The following FOSB variants were observed in gnomAD, a reference collection of about 807,000 sequenced individuals.
FOSB encodes the protein FosB proto-oncogene, AP-1 transcription factor subunit, also known as protein FosB.
Under a neutral mutation model 31.1 loss-of-function variants are expected in FOSB, and 8 were observed. The ratio of observed to expected loss-of-function variants is 0.26; its 90% CI spans 0.15 to 0.46. The LOEUF is 0.46. Among genes scored for constraint, FOSB ranks in the 20% least tolerant of loss-of-function variants. FOSB has a pLI of 0.99. For missense variants in FOSB, 376 were observed against 460.6 expected, an observed-to-expected ratio of 0.82 and a Z score of 1.68; for synonymous variants, 214 against 206.1, an observed-to-expected ratio of 1.04 and a Z score of -0.33.
Position 45,470,834 on chromosome 19 carries a change from G to T in FOSB, c.332G>T (p.Gly111Val). 1 of 1,614,078 alleles carries T rather than the reference G, an allele frequency of 6.2e-7. No homozygotes were observed. The highest frequency in any genetic ancestry group is 8.5e-7 in the Non-Finnish European group (1 of 1,180,030). ...GTSYSTPGMSGYSSGGASGSG... is the reference protein window; with the variant it reads ...GTSYSTPGMSVYSSGGASGSG... Reference sequence around the variant, plus strand: ...AGCTACTCCACACCAGGCATGAGTGGCTACAGCAGTGGCGGAGCGAGTGGC... The same window carrying T: ...AGCTACTCCACACCAGGCATGAGTGTCTACAGCAGTGGCGGAGCGAGTGGC... The change falls in exon 2 of 4, where the codon GGC becomes GTC. Residue 111 changes from glycine (G) to valine (V), a missense_variant. By Grantham distance (109) the Gly-to-Val change is moderately radical. Transcript: ENST00000353609.
In FOSB at chr19:45,468,458, G is replaced by T; in HGVS notation, c.-129G>T. 5 of 962,828 alleles carry T rather than the reference G, an allele frequency of 5.2e-6. No individual in the cohort carries two copies. The highest frequency in any genetic ancestry group is 7.8e-6 in the Non-Finnish European group (5 of 641,452). 59.6% of individuals were successfully genotyped at this position (962,828 alleles called of 1,614,324 possible). On this transcript the variant is annotated 5_prime_UTR_variant, in exon 1 of 4. Transcript: ENST00000353609. This position sits in a 1 kb window ranked among gnomAD's most constrained non-coding sequence, Gnocchi z 4.8. ...GCTTCCCCGGACAGCGTACTTTGAG[G>T]ACTCGCTCAGCTCACCGGGGACTCC...
At position 45,474,520 on chromosome 19, in the gene FOSB, G is replaced by C. The variant is rs1476518965; in HGVS notation, c.*1508G>C. On this transcript the variant is annotated 3_prime_UTR_variant, in exon 4 of 4. Transcript: ENST00000353609. ...CCCCTTGTCGCGCGTCTCCCATCCTGATCCCAGACCCATTCCTTAGCTATT... is the reference window on the plus strand; with the variant it reads ...CCCCTTGTCGCGCGTCTCCCATCCTCATCCCAGACCCATTCCTTAGCTATT... 1 of 152,490 alleles carries C rather than the reference G, an allele frequency of 6.6e-6. No individual in the cohort carries two copies. Among genetic ancestry groups the C allele is most frequent in the East Asian group, 1.9e-4 (1 of 5,198 alleles). The allele number at this position is 152,490 out of a possible 1,614,324, so 9.4% of individuals were successfully genotyped here. A position where few individuals can be genotyped will look rare whatever the true frequency, so the allele number is the denominator to read the frequency against.
At chr19:45,471,505 C>CCCCCA (rs1555795276) in intron 3 of FOSB, 1 of 434,206 alleles carries the variant, frequency 2.3e-6, no homozygotes, top group Admixed American at 3.3e-5. Flanking sequence ...GTCCCCCCCC[C>CCCCCA]ATTTCCTGAC....
At chr19:45,471,095 GT>G in intron 2 of FOSB, 98 bp from the exon 3 acceptor site, 2 of 1,379,532 alleles carry the variant, frequency 1.4e-6, no homozygotes, top group Non-Finnish European at 2.0e-6. Flanking sequence ...CCGGAGGCTT[GT>G]TTTTTGGCTC....
In FOSB at chr19:45,470,657, G is replaced by T; in HGVS notation, c.155G>T (p.Gly52Val). ...QECAGLGEMPGSFVPTVTAIT... is the reference protein window; with the variant it reads ...QECAGLGEMPVSFVPTVTAIT... ...TGCGCCGGTCTCGGGGAAATGCCCG[G>T]TTCCTTCGTGCCCACGGTCACCGCG... The change falls in exon 2 of 4, where the codon GGT becomes GTT. Residue 52 changes from glycine to valine, a missense_variant. This residue lies in a region of FOSB where 193 missense variants were observed against 207.1 expected (regional missense o/e 0.93). Transcript: ENST00000353609. The T allele has an allele frequency of 6.2e-7, 1 of 1,611,542 alleles. No homozygotes were observed.
Position 45,472,478 on chromosome 19 carries a change from G to A in FOSB, c.556-73G>A. 1 of 1,275,654 alleles carries A rather than the reference G, an allele frequency of 7.8e-7. No individual in the cohort carries two copies. The highest frequency in any genetic ancestry group is 1.1e-6 in the Non-Finnish European group (1 of 948,546). 79.0% of individuals were successfully genotyped at this position (1,275,654 alleles called of 1,614,324 possible). A position where few individuals can be genotyped will look rare whatever the true frequency, so the allele number is the denominator to read the frequency against. ...AGCAAGTCCAAGGGAGCCATGACCC[G>A]AGTTTCCCGGTCACTGACATGCTTT... On this transcript the variant is annotated intron_variant, in intron 3 of 3. Coordinates refer to ENST00000353609, the MANE Select transcript of FOSB (RefSeq NM_006732.3). The surrounding 1 kb of genome is among the most constrained non-coding windows in gnomAD (Gnocchi z 5.4).
In FOSB at chr19:45,472,976, C is replaced by T; in HGVS notation, c.981C>T (p.Ser327=). The stretch of plus-strand genomic sequence containing the variant: ...GCACCAGCGGCAGTGACCAGCCTTC[C>T]GATCCCCTGAACTCGCCCTCCCTCC... ...AQRTSGSDQP[S]DPLNSPSLLA... is the part of the protein sequence containing the mutation. The change falls in exon 4 of 4, where the codon TCC becomes TCT. Residue 327 remains serine (S), a synonymous_variant. Coordinates refer to ENST00000353609, the MANE Select transcript of FOSB (RefSeq NM_006732.3). This position sits in a 1 kb window ranked among gnomAD's most constrained non-coding sequence, Gnocchi z 5.4. 1 of 1,612,164 alleles carries T rather than the reference C, an allele frequency of 6.2e-7. No homozygotes were observed. The highest frequency in any genetic ancestry group is 2.2e-5 in the East Asian group (1 of 44,888).
At chr19:45,471,495 G>GACCC in intron 3 of FOSB, 194 bp downstream of exon 3, 1 of 399,176 alleles carries the variant, frequency 2.5e-6, no homozygotes, top group Non-Finnish European at 4.3e-6. Flanking sequence ...TCAACTCCTG[G>GACCC]TCCCCCCCCC....
At position 45,468,580 on chromosome 19, in the gene FOSB, C is replaced by T; in HGVS notation, c.-7C>T. 1.9e-6 allele frequency: 3 copies of T among 1,608,422 alleles called. No homozygotes were observed. The highest frequency in any genetic ancestry group is 1.7e-5 in the Admixed American group (1 of 58,582). On this transcript the variant is annotated 5_prime_UTR_variant, in exon 1 of 4. Coordinates refer to ENST00000353609, the MANE Select transcript of FOSB (RefSeq NM_006732.3). The surrounding 1 kb of genome is among the most constrained non-coding windows in gnomAD (Gnocchi z 4.8). ...GTGGTCACAGGGGCCCCCCTGTGCC[C>T]AGGGAAATGTTTCAGGCTTTCCCCG... is the stretch of plus-strand genomic sequence containing the variant.
In FOSB at chr19:45,468,402, T is replaced by G; in HGVS notation, c.-185T>G. ...GGAAGACTGCACAGAAACTTTGCCA[T>G]TGTTGGAACGGGACGTTGCTCCTTC... On this transcript the variant is annotated 5_prime_UTR_variant, in exon 1 of 4. Coordinates refer to ENST00000353609, the MANE Select transcript of FOSB (RefSeq NM_006732.3). The surrounding 1 kb of genome is among the most constrained non-coding windows in gnomAD (Gnocchi z 4.8). 9.4e-6 allele frequency: 6 copies of G among 641,496 alleles called. No homozygotes were observed. The highest frequency in any genetic ancestry group is 5.6e-5 in the East Asian group (2 of 35,690). 39.7% of individuals were successfully genotyped at this position (641,496 alleles called of 1,614,324 possible).
In FOSB at chr19:45,470,863, G is replaced by C. The variant is rs373545463; in HGVS notation, c.361G>C (p.Gly121Arg). ...GYSSGGASGS[G>R]GPSTSGTTSG... Reference sequence around the variant, plus strand: ...CAGCAGTGGCGGAGCGAGTGGCAGTGGTGGGCCTTCCACCAGCGGAACTAC... The same window carrying C: ...CAGCAGTGGCGGAGCGAGTGGCAGTCGTGGGCCTTCCACCAGCGGAACTAC... The change falls in exon 2 of 4, where the codon GGT becomes CGT. Residue 121 changes from glycine (G) to arginine (R), a missense_variant. Transcript: ENST00000353609. 104 of 1,613,964 alleles carry C rather than the reference G, an allele frequency of 6.4e-5. No individual in the cohort carries two copies. The highest frequency in any genetic ancestry group is 8.2e-5 in the Non-Finnish European group (97 of 1,180,030).
Position 45,468,499 on chromosome 19 carries a change from A to T in FOSB, c.-88A>T, listed in dbSNP as rs1967497033. ...CGGGGACTCCCACGGCTCACCCCGG[A>T]CTTGCACCTTACTTCCCCAACCCGG... On this transcript the variant is annotated 5_prime_UTR_variant, in exon 1 of 4. Transcript: ENST00000353609. The surrounding 1 kb of genome is among the most constrained non-coding windows in gnomAD (Gnocchi z 4.8). 7.0e-7 allele frequency: 1 copy of T among 1,437,786 alleles called. No individual in the cohort carries two copies. Among genetic ancestry groups the T allele is most frequent in the Non-Finnish European group, 9.4e-7 (1 of 1,061,650 alleles). The allele number at this position is 1,437,786 out of a possible 1,614,324, so 89.1% of individuals were successfully genotyped here. A position where few individuals can be genotyped will look rare whatever the true frequency, so the allele number is the denominator to read the frequency against.
chr19:45,472,244 A>C lies in FOSB; in HGVS notation c.556-307A>C, dbSNP rs575297539. ...CGAGACTCTGGCTCAAAAGCAAAAC[A>C]AAACCAACCACATAACGATTGTTCA... On this transcript the variant is annotated intron_variant, in intron 3 of 3. Transcript: ENST00000353609. This position sits in a 1 kb window ranked among gnomAD's most constrained non-coding sequence, Gnocchi z 5.4. Among the ~76,000 whole-genome samples, 34 of 152,300 alleles carry C rather than the reference A, an allele frequency of 2.2e-4. No homozygotes were observed. In the South Asian group the frequency reaches 6.6e-3, roughly 30 times the overall value.
Position 45,473,073 on chromosome 19 carries a change from G to GAGGAGGAGA in FOSB, c.*71_*79dup, listed in dbSNP as rs1967738944. 1 of 1,490,488 alleles carries GAGGAGGAGA rather than the reference G, an allele frequency of 6.7e-7. No individual in the cohort carries two copies. Among genetic ancestry groups the GAGGAGGAGA allele is most frequent in the African/African-American group, 1.4e-5 (1 of 72,788 alleles). The allele number at this position is 1,490,488 out of a possible 1,614,324, so 92.3% of individuals were successfully genotyped here. A position where few individuals can be genotyped will look rare whatever the true frequency, so the allele number is the denominator to read the frequency against. On this transcript the variant is annotated 3_prime_UTR_variant, in exon 4 of 4. Coordinates refer to ENST00000353609, the MANE Select transcript of FOSB (RefSeq NM_006732.3). ...GGAGAGAGACTTGGAAGAGGAGGAG[G>GAGGAGGAGA]AGGAGGAGAAGGAGGAGAGAGAGGG...
rs980550838 is a variant in FOSB at position 45,473,642 on chromosome 19, C to A, written c.*630C>A. 7.2e-6 allele frequency: 1 copy of A among 139,188 alleles called. No homozygotes were observed. Among genetic ancestry groups the A allele is most frequent in the African/African-American group, 2.7e-5 (1 of 37,568 alleles). 8.6% of individuals were successfully genotyped at this position (139,188 alleles called of 1,614,324 possible). A position where few individuals can be genotyped will look rare whatever the true frequency, so the allele number is the denominator to read the frequency against. ...CCCTAGAATAATCTCATCCCCCCACCCGACTTCTTTTGAAATGTGAACGTC... is the reference window on the plus strand; with the variant it reads ...CCCTAGAATAATCTCATCCCCCCACACGACTTCTTTTGAAATGTGAACGTC... On this transcript the variant is annotated 3_prime_UTR_variant, in exon 4 of 4. Coordinates refer to ENST00000353609, the MANE Select transcript of FOSB (RefSeq NM_006732.3).
intron 1 of FOSB, chr19:45,470,369 AC>A (rs201053280): frequency 0.012 from 5,990 of 492,742 alleles, 60 homozygotes; most frequent in Non-Finnish European, 0.015. Context: ...GTGATTCACC[AC>A]CCGCTGGAAC....
At chr19:45,470,514 C>T (rs1967609815) in intron 1 of FOSB, 115 bp from the exon 2 acceptor site, 10 of 1,057,390 alleles carry the variant, frequency 9.5e-6, no homozygotes, top group Non-Finnish European at 1.2e-5. Flanking sequence ...CACATCCACA[C>T]TCGCTCACCC....
intron 1 of FOSB, among the ~76,000 whole-genome samples, chr19:45,469,151 G>T (rs924247458): frequency 2.0e-5 from 3 of 152,196 alleles, no homozygotes; most frequent in Non-Finnish European, 4.4e-5. Flanking sequence ...GTGCCGGGTC[G>T]CCCTCCACCC....
rs749176033 is a variant in FOSB, at chr19:45,473,063, AGAG to A, written c.*67_*69del. On this transcript the variant is annotated 3_prime_UTR_variant, in exon 4 of 4. Transcript: ENST00000353609. ...AACACATGGGGGAGAGAGACTTGGA[AGAG>A]GAGGAGGAGGAGGAGAAGGAGGAGA... 1.0e-3 allele frequency: 1,570 copies of A among 1,509,494 alleles called. 2 individuals carry two copies. Among genetic ancestry groups the A allele is most frequent in the Non-Finnish European group, 1.2e-3 (1,349 of 1,108,084 alleles). 93.5% of individuals were successfully genotyped at this position (1,509,494 alleles called of 1,614,324 possible).
Sources: gnomAD v4.1 joint callset for allele counts (sites outside exome capture counted in the v4.1 genomes callset) on GRCh38, gnomAD v4.1.1 for gene constraint, gnomAD v4.1.1 regional missense constraint, Gnocchi (gnomAD v3.1) non-coding constraint, MANE v1.5 for transcripts, NCBI Gene and HGNC (gene_info 2026-07-23, HGNC 2026-07-21) for gene names.